Variants in ARHGEF3 observed in about 807,000 individuals in gnomAD.
The protein encoded by ARHGEF3 is Rho guanine nucleotide exchange factor 3, also known as 59.8 kDA protein.
Under a neutral mutation model 63.2 loss-of-function variants are expected in ARHGEF3, and 28 were observed. The ratio of observed to expected loss-of-function variants is 0.44; its 90% CI spans 0.33 to 0.61. ARHGEF3 has a LOEUF of 0.61. Among genes scored for constraint, ARHGEF3 ranks in the 20% least tolerant of loss-of-function variants. The pLI is 0.03. For synonymous variants in ARHGEF3, 266 were observed against 254.2 expected, an observed-to-expected ratio of 1.05 and a Z score of -0.44; for missense variants, 533 against 659.3, an observed-to-expected ratio of 0.81 and a Z score of 2.10.
rs879306454 is a variant in ARHGEF3, at chr3:56,747,068, G to C, written c.613-1606C>G. Among the ~76,000 whole-genome samples, 739 of 97,358 alleles carry C rather than the reference G, an allele frequency of 7.6e-3. 8 individuals carry two copies. The highest frequency in any genetic ancestry group is 0.073 in the South Asian group (133 of 1,834). 63.9% of individuals were successfully genotyped at this position (97,358 alleles called of 152,430 possible). The stretch of plus-strand genomic sequence containing the variant: ...ATACATGCGCGCACACACACACAGA[G>C]AGAGAGAGAGAGAGAGAGAGAGAGA... On this transcript the variant is annotated intron_variant, in intron 6 of 9. Transcript: ENST00000296315.
intron 1 of ARHGEF3, among the ~76,000 whole-genome samples, chr3:57,068,919 A>AT (rs35984791): frequency 0.18 from 24,615 of 138,216 alleles, 2,274 homozygotes; most frequent in East Asian, 0.35. Flanking sequence ...AAAAGATCTG[A>AT]TTTTTTTTTT....
At chr3:56,794,481 T>A (rs1459599655) in intron 1 of ARHGEF3, among the ~76,000 whole-genome samples, 1 of 100,376 alleles carries the variant, frequency 1.0e-5, no homozygotes, top group Non-Finnish European at 1.8e-5. Flanking sequence ...AGAGCGAGAC[T>A]CTATCTCAAA....
At chr3:56,734,368 A>G (rs972894920) in intron 8 of ARHGEF3, among the ~76,000 whole-genome samples, 3 of 152,192 alleles carry the variant, frequency 2.0e-5, no homozygotes, top group Non-Finnish European at 4.4e-5. Context: ...TGGGAGCTAA[A>G]TCTTGGGTTC....
intron 2 of ARHGEF3, among the ~76,000 whole-genome samples, chr3:56,767,905 C>A (rs970332127): frequency 1.3e-5 from 2 of 151,942 alleles, no homozygotes; most frequent in African/African-American, 4.8e-5. Flanking sequence ...CACCACTACG[C>A]CCAGCTAATT....
In ARHGEF3 at chr3:56,773,744, C is replaced by T. The variant is rs762111839; in HGVS notation, c.169G>A (p.Ala57Thr). Residue 57 changes from alanine (A) to threonine (T), a missense_variant, in exon 2 of 10, where the codon GCC becomes ACC. Ala to Thr is a moderately conservative substitution (Grantham distance 58). This residue lies in a region of ARHGEF3 where 160 missense variants were observed against 157.3 expected (regional missense o/e 1.02). Transcript: ENST00000296315. ...TGACTGAAGCGCTTTAATGGCGTGG[C>T]CTTCACGGGCGGGATGAGGTTTGCT... The part of the protein sequence containing the change: ...SLANLIPPVK[A>T]TPLKRFSQTL... The T allele has an allele frequency of 1.3e-6, 2 of 1,597,174 alleles. No individual in the cohort carries two copies. Among genetic ancestry groups the T allele is most frequent in the Admixed American group, 1.8e-5 (1 of 55,328 alleles).
At chr3:56,944,069 G>A (rs577799615) in intron 3 of ARHGEF3, among the ~76,000 whole-genome samples, 4 of 152,132 alleles carry the variant, frequency 2.6e-5, no homozygotes, top group Non-Finnish European at 5.9e-5. Context: ...CCAGCTACTC[G>A]GGCGGCTGAG....
intron 4 of ARHGEF3, among the ~76,000 whole-genome samples, chr3:56,865,902 A>T (rs1444358972): frequency 1.3e-4 from 20 of 152,218 alleles, no homozygotes; most frequent in Admixed American, 1.3e-3. Context: ...ATTTTGTTAT[A>T]GCAGCCCAAA....
intron 1 of ARHGEF3, among the ~76,000 whole-genome samples, chr3:56,786,439 G>A (rs1425434159): frequency 6.6e-6 from 1 of 152,150 alleles, no homozygotes; most frequent in African/African-American, 2.4e-5. Context: ...GCTTCAAAAT[G>A]TTATTCTTTG....
Position 56,967,770 on chromosome 3 carries a change from ATAT to A in ARHGEF3, c.63-8884_63-8882del, listed in dbSNP as rs1380389441. Among the ~76,000 whole-genome samples the A allele has an allele frequency of 1.7e-3, 145 of 87,034 alleles. 1 individual carries two copies. The highest frequency in any genetic ancestry group is 6.6e-3 in the African/African-American group (140 of 21,326). The allele number at this position is 87,034 out of a possible 152,430, so 57.1% of individuals were successfully genotyped here. A position where few individuals can be genotyped will look rare whatever the true frequency, so the allele number is the denominator to read the frequency against. On this transcript the variant is annotated intron_variant, in intron 2 of 12. Coordinates refer to the ARHGEF3 transcript ENST00000338458. ...TATTATATATACAATTATATATAAT[ATAT>A]TATATTATATGATTATATATTACAT...
intron 2 of ARHGEF3, among the ~76,000 whole-genome samples, chr3:57,021,515 T>A (rs1049440121): frequency 3.9e-5 from 6 of 152,056 alleles, no homozygotes; most frequent in Non-Finnish European, 8.8e-5. Context: ...CCCAGCACTT[T>A]GGGAGGCCGA....
intron 1 of ARHGEF3, among the ~76,000 whole-genome samples, chr3:57,044,663 G>T (rs184096621): frequency 6.6e-6 from 1 of 152,146 alleles, no homozygotes; most frequent in Non-Finnish European, 1.5e-5. Context: ...TGTGGGCATG[G>T]TCTCCATCAC....
rs146737408 is a variant in ARHGEF3 at position 56,826,999 on chromosome 3, A to G, written c.193-53183T>C. On this transcript the variant is annotated intron_variant, in intron 4 of 12. Coordinates refer to the ARHGEF3 transcript ENST00000338458. The stretch of plus-strand genomic sequence containing the variant: ...AAATACATCAAAGATGTAAATGTAA[A>G]TATGAAAACATAAAAGAGAAGAAGA... Among the ~76,000 whole-genome samples the G allele has an allele frequency of 3.5e-3, 537 of 152,312 alleles. 5 individuals carry two copies. Among genetic ancestry groups the G allele is most frequent in the African/African-American group, 0.013 (522 of 41,562 alleles).
chr3:56,738,602 T>A (rs550436696), intron 7 of ARHGEF3, among the ~76,000 whole-genome samples: 7 of 152,258 alleles, frequency 4.6e-5, no homozygotes, highest in African/African-American at 1.7e-4. Context: ...CTAGAGCACA[T>A]GTGAGTGACT....
At chr3:56,874,173 CAT>C (rs2040516564) in intron 4 of ARHGEF3, among the ~76,000 whole-genome samples, 1 of 152,216 alleles carries the variant, frequency 6.6e-6, no homozygotes, top group Non-Finnish European at 1.5e-5. Flanking sequence ...TTGGACCAAA[CAT>C]AGGGTATCTG....
intron 9 of ARHGEF3, 28 bp from the exon 10 acceptor site, chr3:56,729,650 A>C: frequency 6.5e-7 from 1 of 1,548,606 alleles, no homozygotes; most frequent in African/African-American, 1.4e-5. Context: ...ATGAAAAACA[A>C]AGTCAATGGA....
intron 1 of ARHGEF3, among the ~76,000 whole-genome samples, chr3:56,779,485 TA>T (rs1353297547): frequency 1.8e-4 from 27 of 150,474 alleles, no homozygotes; most frequent in African/African-American, 5.3e-4. Flanking sequence ...AGTTTTTTTT[TA>T]TTTTTTTTTT....
In ARHGEF3 at chr3:56,729,500, C is replaced by T; in HGVS notation, c.1351G>A (p.Val451Ile). 6.2e-7 allele frequency: 1 copy of T among 1,614,248 alleles called. No individual in the cohort carries two copies. Among genetic ancestry groups the T allele is most frequent in the Admixed American group, 1.7e-5 (1 of 60,026 alleles). The change falls in exon 10 of 10, where the codon GTT becomes ATT. Residue 451 changes from valine (V) to isoleucine (I), a missense_variant. Transcript: ENST00000296315. Reference sequence around the variant, plus strand: ...CCAGCTTGCCCGGCAGCACACAAAACTGTTTCTTTGGCTTGACGAATACAG... The same window carrying T: ...CCAGCTTGCCCGGCAGCACACAAAATTGTTTCTTTGGCTTGACGAATACAG... ...LNCIRQAKET[V>I]LCAAGQAGVL...
intron 2 of ARHGEF3, among the ~76,000 whole-genome samples, chr3:56,962,150 T>C (rs1353287863): frequency 6.6e-6 from 1 of 152,202 alleles, no homozygotes; most frequent in East Asian, 1.9e-4. Context: ...GTGGCTTTAA[T>C]GCACAGATTC....
At chr3:56,740,040 C>T (rs1048892141) in intron 7 of ARHGEF3, among the ~76,000 whole-genome samples, 3 of 151,914 alleles carry the variant, frequency 2.0e-5, no homozygotes, top group East Asian at 1.9e-4. Context: ...GCTGGGATTA[C>T]GGGCACCTGC....
Sources: gnomAD v4.1 joint callset for allele counts (sites outside exome capture counted in the v4.1 genomes callset) on GRCh38, gnomAD v4.1.1 for gene constraint, gnomAD v4.1.1 regional missense constraint, MANE v1.5 for transcripts, NCBI Gene and HGNC (gene_info 2026-07-23, HGNC 2026-07-21) for gene names.